MBOAT2: variants seen among roughly 807,000 people sequenced by gnomAD.
MBOAT2 encodes membrane-bound glycerophospholipid O-acyltransferase 2.
MBOAT2 carries 28 observed loss-of-function variants against 63.4 expected under a neutral mutation model. That is an observed-to-expected ratio of 0.44 (90% CI 0.33 to 0.61). The LOEUF is 0.61. Among genes scored for constraint, MBOAT2 ranks in the 20% least tolerant of loss-of-function variants. The probability of loss-of-function intolerance (pLI) is 0.03; values close to 1 mark genes in which losing one functional copy is unlikely to be tolerated. For missense variants in MBOAT2, 470 were observed against 605.8 expected, an observed-to-expected ratio of 0.78 and a Z score of 2.35; for synonymous variants, 211 against 215.6, an observed-to-expected ratio of 0.98 and a Z score of 0.19.
At chr2:8,919,294 C>A (rs961585093) in intron 3 of MBOAT2, among the ~76,000 whole-genome samples, 1 of 152,152 alleles carries the variant, frequency 6.6e-6, no homozygotes, top group African/African-American at 2.4e-5. Flanking sequence ...TAACTTTCAA[C>A]CAAAATGTTT....
In MBOAT2 at chr2:8,855,468, T is replaced by C. The variant is rs1015227107; in HGVS notation, c.*3211A>G. ...TTTTACTGCACATTTTTCTCAAAAG[T>C]GGTATGTTTGGAAATCCTGTGTGTG... On this transcript the variant is annotated 3_prime_UTR_variant, in exon 13 of 13. Transcript: ENST00000305997. 6.6e-5 allele frequency: 10 copies of C among 152,198 alleles called. No individual in the cohort carries two copies. Among genetic ancestry groups the C allele is most frequent in the African/African-American group, 2.4e-4 (10 of 41,456 alleles). The allele number at this position is 152,198 out of a possible 1,614,324, so 9.4% of individuals were successfully genotyped here.
At chr2:8,877,461 C>T (rs747144115) in intron 6 of MBOAT2, among the ~76,000 whole-genome samples, 5 of 152,308 alleles carry the variant, frequency 3.3e-5, no homozygotes, top group Non-Finnish European at 5.9e-5. Flanking sequence ...CACGATGAGA[C>T]AAATCAAAGA....
chr2:8,869,304 C>G (rs115181172), intron 8 of MBOAT2, among the ~76,000 whole-genome samples: 3,215 of 151,632 alleles, frequency 0.021, 131 homozygotes, highest in African/African-American at 0.073. Context: ...ACCTTGGCCT[C>G]CCTAAGTGCT....
intron 1 of MBOAT2, among the ~76,000 whole-genome samples, chr2:8,992,675 G>A (rs765742662): frequency 2.0e-5 from 3 of 152,254 alleles, no homozygotes; most frequent in South Asian, 2.1e-4. Flanking sequence ...TAAGTCTGGC[G>A]GAGAAAATCT....
chr2:8,992,639 T>C (rs575315502), intron 1 of MBOAT2, among the ~76,000 whole-genome samples: 1 of 152,358 alleles, frequency 6.6e-6, no homozygotes, highest in African/African-American at 2.4e-5. Context: ...ATATGTTATG[T>C]ATCACCCTGA....
At position 8,880,492 on chromosome 2, in the gene MBOAT2, T is replaced by C. The variant is rs558170751; in HGVS notation, c.506+2019A>G. On this transcript the variant is annotated intron_variant, in intron 6 of 12. Coordinates refer to ENST00000305997, the MANE Select transcript of MBOAT2 (RefSeq NM_138799.4). Reference sequence around the variant, plus strand: ...TGTTCGAGCTGCCTGTCACTATCCATACAAAGACCTTGAAATGGCAGTTGG... The same window carrying C: ...TGTTCGAGCTGCCTGTCACTATCCACACAAAGACCTTGAAATGGCAGTTGG... 3.3e-5 allele frequency among the ~76,000 whole-genome samples: 5 copies of C among 152,296 alleles called. No individual in the cohort carries two copies. In the East Asian group the frequency reaches 5.8e-4, roughly 18 times the overall value.
rs868693138 is a variant in MBOAT2, at chr2:8,855,260, A to G, written c.*3419T>C. On this transcript the variant is annotated 3_prime_UTR_variant, in exon 13 of 13. Transcript: ENST00000305997. ...CTAATGGCTCCGTTCACGACACCCA[A>G]CTGGTCCTGAACTCTTAGGATTAAC... The G allele has an allele frequency of 6.6e-6, 1 of 152,214 alleles. No individual in the cohort carries two copies. The highest frequency in any genetic ancestry group is 2.4e-5 in the African/African-American group (1 of 41,434). 9.4% of individuals were successfully genotyped at this position (152,214 alleles called of 1,614,324 possible). A position where few individuals can be genotyped will look rare whatever the true frequency, so the allele number is the denominator to read the frequency against.
chr2:8,960,539 G>A (rs757764918), intron 1 of MBOAT2, among the ~76,000 whole-genome samples: 18 of 151,376 alleles, frequency 1.2e-4, no homozygotes, highest in Non-Finnish European at 2.4e-4. Context: ...AGCAGGGCGG[G>A]CAGCATTTCC....
intron 7 of MBOAT2, among the ~76,000 whole-genome samples, chr2:8,874,257 G>C (rs1662546775): frequency 6.6e-6 from 1 of 152,156 alleles, no homozygotes; most frequent in East Asian, 1.9e-4. Flanking sequence ...GCTCCTGCGA[G>C]GTGGAACTCA....
intron 3 of MBOAT2, among the ~76,000 whole-genome samples, chr2:8,924,802 A>G: frequency 6.6e-6 from 1 of 151,484 alleles, no homozygotes; most frequent in East Asian, 1.9e-4. Context: ...AGAAAATTTC[A>G]AAGTTAGCTA....
At chr2:8,939,725 C>T (rs1046891706) in intron 3 of MBOAT2, among the ~76,000 whole-genome samples, 1 of 152,084 alleles carries the variant, frequency 6.6e-6, no homozygotes, top group African/African-American at 2.4e-5. Context: ...CAATCCTTTC[C>T]CTGGAGCAAT....
intron 1 of MBOAT2, among the ~76,000 whole-genome samples, chr2:8,968,789 A>G (rs760779883): frequency 2.2e-4 from 34 of 152,224 alleles, no homozygotes; most frequent in Non-Finnish European, 4.6e-4. Flanking sequence ...GTGATTGAAG[A>G]TCAAATGAAT....
At chr2:8,875,877 G>A (rs1234943144) in intron 7 of MBOAT2, among the ~76,000 whole-genome samples, 1 of 152,062 alleles carries the variant, frequency 6.6e-6, no homozygotes, top group Non-Finnish European at 1.5e-5. Flanking sequence ...ACACCTTTTT[G>A]GTATAAAATA....
chr2:8,958,399 A>T, intron 2 of MBOAT2, 98 bp downstream of exon 2: 3 of 1,206,120 alleles, frequency 2.5e-6, no homozygotes, highest in Non-Finnish European at 3.3e-6. Context: ...TTAAGTAAAT[A>T]TAAGAACAAA....
chr2:8,923,737 T>G (rs1308297853), intron 3 of MBOAT2, among the ~76,000 whole-genome samples: 1 of 152,176 alleles, frequency 6.6e-6, no homozygotes, highest in Non-Finnish European at 1.5e-5. Context: ...CAATTCCCAC[T>G]GTTTTTGATC....
chr2:8,865,654 T>C (rs751020305), intron 9 of MBOAT2, among the ~76,000 whole-genome samples: 2 of 152,270 alleles, frequency 1.3e-5, no homozygotes, highest in Non-Finnish European at 2.9e-5. Flanking sequence ...GCCCTATTTC[T>C]ACCCTCTTCC....
At chr2:8,941,870 G>A (rs1462322245) in intron 3 of MBOAT2, among the ~76,000 whole-genome samples, 3 of 152,100 alleles carry the variant, frequency 2.0e-5, no homozygotes, top group Non-Finnish European at 4.4e-5. Context: ...CCTTCCAACT[G>A]AAAAGCATAT....
intron 3 of MBOAT2, among the ~76,000 whole-genome samples, chr2:8,931,434 CTTTG>C (rs915188776): frequency 9.2e-5 from 14 of 151,968 alleles, no homozygotes; most frequent in African/African-American, 3.1e-4. Context: ...TTTTTGATGG[CTTTG>C]TTTTTTTCTT....
chr2:8,864,288 TATA>T (rs950885184), intron 9 of MBOAT2, 54 bp from the exon 10 acceptor site: 6 of 978,662 alleles, frequency 6.1e-6, no homozygotes, highest in African/African-American at 3.4e-5. Context: ...AAGCTTTAAA[TATA>T]ATAATATATT....
Sources: gnomAD v4.1 joint callset for allele counts (sites outside exome capture counted in the v4.1 genomes callset) on GRCh38, gnomAD v4.1.1 for gene constraint, MANE v1.5 for transcripts, NCBI Gene and HGNC (gene_info 2026-07-23, HGNC 2026-07-21) for gene names.